The following DOCK8 variants were observed in gnomAD, a reference collection of about 807,000 sequenced individuals.
DOCK8 encodes dedicator of cytokinesis protein 8.
In DOCK8, 141 loss-of-function variants were observed where a neutral mutation model predicts 245.6. That is an observed-to-expected ratio of 0.57 (90% CI 0.50 to 0.66). The LOEUF (loss-of-function observed/expected upper bound fraction) is 0.66. DOCK8 is among the 30% of genes least tolerant of loss of function. The probability of loss-of-function intolerance (pLI) is 0.00; values close to 1 mark genes in which losing one functional copy is unlikely to be tolerated. For missense variants in DOCK8, 2,965 were observed against 2,603.4 expected, an observed-to-expected ratio of 1.14 and a Z score of -3.02; for synonymous variants, 1,168 against 970.2, an observed-to-expected ratio of 1.20 and a Z score of -3.79.
chr9:377,460 G>A (rs986502777), intron 20 of DOCK8, among the ~76,000 whole-genome samples: 2 of 152,050 alleles, frequency 1.3e-5, no homozygotes, highest in African/African-American at 2.4e-5. Context: ...AATGATTATA[G>A]GCAGTCTTTA....
At chr9:436,333 C>T (rs1324673191) in intron 39 of DOCK8, among the ~76,000 whole-genome samples, 1 of 152,180 alleles carries the variant, frequency 6.6e-6, no homozygotes, top group Non-Finnish European at 1.5e-5. Flanking sequence ...TTTCAAATCA[C>T]ATAGAAGTGT....
intron 8 of DOCK8, 88 bp from the exon 9 acceptor site, chr9:327,934 C>G: frequency 3.1e-6 from 4 of 1,309,670 alleles, no homozygotes; most frequent in Admixed American, 3.4e-5. Flanking sequence ...AGCAAAATTT[C>G]TCTGTGGTGT....
intron 26 of DOCK8, among the ~76,000 whole-genome samples, chr9:400,809 TCAC>T (rs1387688864): frequency 3.0e-3 from 12 of 3,986 alleles, no homozygotes; most frequent in Non-Finnish European, 3.9e-3. Context: ...ACCTCCACCA[TCAC>T]CACCACCTCC....
chr9:436,990 C>A (rs534213705), intron 39 of DOCK8, among the ~76,000 whole-genome samples: 1 of 152,250 alleles, frequency 6.6e-6, no homozygotes, highest in South Asian at 2.1e-4. Context: ...GTGAGGGCTT[C>A]TTGATGTAGA....
intron 25 of DOCK8, among the ~76,000 whole-genome samples, chr9:397,414 T>C (rs559512127): frequency 2.6e-4 from 38 of 148,216 alleles, no homozygotes; most frequent in African/African-American, 8.9e-4. Context: ...TCAGGCTGGG[T>C]GCAGTGGCTC....
chr9:378,372 TG>T (rs2053602756), intron 20 of DOCK8, among the ~76,000 whole-genome samples: 1 of 152,188 alleles, frequency 6.6e-6, no homozygotes, highest in African/African-American at 2.4e-5. Context: ...GCACAGTTGG[TG>T]GTGGAACAGA....
chr9:328,804 G>A (rs1319517810), intron 9 of DOCK8, among the ~76,000 whole-genome samples: 3 of 151,766 alleles, frequency 2.0e-5, no homozygotes, highest in Non-Finnish European at 4.4e-5. Context: ...AAGTAGAAGA[G>A]CCTTTCATTC....
At chr9:435,604 C>T (rs990447799) in intron 39 of DOCK8, among the ~76,000 whole-genome samples, 3 of 152,172 alleles carry the variant, frequency 2.0e-5, no homozygotes, top group African/African-American at 7.2e-5. Flanking sequence ...TAGGGGCCCA[C>T]TCTCCAATCC....
intron 26 of DOCK8, among the ~76,000 whole-genome samples, chr9:400,181 CCTCCTT>C (rs1389913541): frequency 1.7e-5 from 2 of 114,722 alleles, no homozygotes; most frequent in Admixed American, 8.8e-5. Flanking sequence ...ACCATCACCA[CCTCCTT>C]CACCATCACC....
chr9:401,079 C>CTACCCACCTCCAGCACCAT (rs767207158), intron 26 of DOCK8, among the ~76,000 whole-genome samples: 4 of 15,326 alleles, frequency 2.6e-4, no homozygotes, highest in African/African-American at 5.7e-4. Flanking sequence ...ATCATCACCA[C>CTACCCACCTCCAGCACCAT]CACCACCTCC....
intron 4 of DOCK8, among the ~76,000 whole-genome samples, chr9:302,804 C>T (rs907899075): frequency 1.3e-5 from 2 of 152,068 alleles, no homozygotes; most frequent in Admixed American, 6.6e-5. Context: ...GTGATACCAA[C>T]TCACAACAGT....
chr9:343,493 A>AG (rs983515411), intron 14 of DOCK8, among the ~76,000 whole-genome samples: 1 of 152,176 alleles, frequency 6.6e-6, no homozygotes, highest in African/African-American at 2.4e-5. Flanking sequence ...TCTAAAAAAA[A>AG]AAAAATAATT....
intron 24 of DOCK8, among the ~76,000 whole-genome samples, chr9:391,678 A>T (rs2054197279): frequency 6.6e-6 from 1 of 152,190 alleles, no homozygotes; most frequent in Non-Finnish European, 1.5e-5. Context: ...GATGATGTTG[A>T]ATGAAAGAGG....
intron 19 of DOCK8, 28 bp downstream of exon 19, chr9:376,333 G>A: frequency 6.6e-7 from 1 of 1,505,990 alleles, no homozygotes; most frequent in Non-Finnish European, 9.2e-7. Flanking sequence ...TAATCATGAA[G>A]GTAAAGGTGC....
chr9:394,302 T>C (rs2054340582), intron 24 of DOCK8, among the ~76,000 whole-genome samples: 1 of 152,156 alleles, frequency 6.6e-6, no homozygotes, highest in Non-Finnish European at 1.5e-5. Context: ...ATGGAAACTA[T>C]CATCCCCCAG....
At chr9:378,466 C>T (rs920775416) in intron 20 of DOCK8, among the ~76,000 whole-genome samples, 1 of 152,230 alleles carries the variant, frequency 6.6e-6, no homozygotes, top group Non-Finnish European at 1.5e-5. Flanking sequence ...ATCTCTCACT[C>T]TGCTTTGCAC....
At chr9:448,864 AT>A (rs1211233584) in intron 44 of DOCK8, among the ~76,000 whole-genome samples, 26 of 152,352 alleles carry the variant, frequency 1.7e-4, no homozygotes, top group South Asian at 1.4e-3. Context: ...AATTCAACCT[AT>A]AAAATTCAGA....
chr9:242,426 C>T (rs982925408), intron 1 of DOCK8, among the ~76,000 whole-genome samples: 2 of 152,084 alleles, frequency 1.3e-5, no homozygotes, highest in African/African-American at 2.4e-5. Context: ...ATGGAAAAAC[C>T]AGTGATACAT....
At position 379,898 on chromosome 9, in the gene DOCK8, C is replaced by G; in HGVS notation, c.2568C>G (p.Phe856Leu). ...TGGCTTCCTACGTGCACTACGTCTT[C>G]CGCCTGCCAGAGGTGCAAAGGGATG... ...CLLASYVHYV[F>L]RLPEVQRDVP... is the part of the protein sequence containing the mutation. Residue 856 changes from phenylalanine (F) to leucine (L), a missense_variant, in exon 21 of 48, where the codon TTC becomes TTG. Phe to Leu is a conservative substitution (Grantham distance 22). Transcript: ENST00000432829. The G allele has an allele frequency of 6.2e-7, 1 of 1,614,168 alleles. No homozygotes were observed. The highest frequency in any genetic ancestry group is 8.5e-7 in the Non-Finnish European group (1 of 1,180,032).
Sources: gnomAD v4.1 joint callset for allele counts (sites outside exome capture counted in the v4.1 genomes callset) on GRCh38, gnomAD v4.1.1 for gene constraint, MANE v1.5 for transcripts, NCBI Gene and HGNC (gene_info 2026-07-23, HGNC 2026-07-21) for gene names.